Variants in IDS observed in about 807,000 individuals in gnomAD.
The protein encoded by IDS is alpha-L-iduronate sulfate sulfatase.
A neutral mutation model predicts 33.5 loss-of-function variants in IDS; 1 was observed. The observed-to-expected ratio is 0.03, with a 90% CI of 0.01 to 0.14. The LOEUF is 0.14. Among genes scored for constraint, IDS ranks in the 10% least tolerant of loss-of-function variants. The probability of loss-of-function intolerance (pLI) is 1.00; values close to 1 mark genes in which losing one functional copy is unlikely to be tolerated. For missense variants in IDS, 328 were observed against 448.0 expected, an observed-to-expected ratio of 0.73 and a Z score of 2.42; for synonymous variants, 191 against 184.4, an observed-to-expected ratio of 1.04 and a Z score of -0.29.
intron 6 of IDS, 106 bp downstream of exon 6, chrX:149,496,240 C>T: frequency 1.2e-6 from 1 of 800,807 alleles, no homozygotes; most frequent in Non-Finnish European, 1.9e-6. Context: ...AAAGAAAGCT[C>T]TTAATAAGAC....
At position 149,483,022 on chromosome X, in the gene IDS, T is replaced by C; in HGVS notation, c.1377A>G (p.Glu459=). 8.3e-7 allele frequency: 1 copy of C among 1,209,033 alleles called. No individual in the cohort carries two copies. The highest frequency in any genetic ancestry group is 1.1e-6 in the Non-Finnish European group (1 of 893,315). ...EDPYLPGNPR[E]LIAYSQYPRP... ...GGGGATACTGGCTATAGGCAATCAG[T>C]TCACGGGGATTACCAGGGAGGTACG... The change falls in exon 9 of 9, where the codon GAA becomes GAG. Residue 459 remains glutamate, a synonymous_variant. Coordinates refer to ENST00000340855, the MANE Select transcript of IDS (RefSeq NM_000202.8).
In IDS at chrX:149,480,733, G is replaced by T. The variant is rs1308302645; in HGVS notation, c.*2013C>A. On this transcript the variant is annotated 3_prime_UTR_variant, in exon 9 of 9. Transcript: ENST00000340855. Reference sequence around the variant, plus strand: ...AACCTCAAGTGATCCGCCTGCCTGGGCCTCCCAAAGTGCTGGGATTACAGG... The same window carrying T: ...AACCTCAAGTGATCCGCCTGCCTGGTCCTCCCAAAGTGCTGGGATTACAGG... 4 of 135,181 alleles carry T rather than the reference G, an allele frequency of 3.0e-5. No homozygotes were observed. Among genetic ancestry groups the T allele is most frequent in the Admixed American group, 1.8e-4 (2 of 11,351 alleles). The allele number at this position is 135,181 out of a possible 1,213,427, so 11.1% of individuals were successfully genotyped here. A position where few individuals can be genotyped will look rare whatever the true frequency, so the allele number is the denominator to read the frequency against.
chrX:149,502,151 C>A (rs1557340069), intron 3 of IDS: 1 of 330,862 alleles, frequency 3.0e-6, no homozygotes, highest in African/African-American at 2.6e-5. Flanking sequence ...AACAAAGATT[C>A]AGCTGAAAAA....
intron 4 of IDS, among the ~76,000 whole-genome samples, chrX:149,500,234 A>G (rs189921665): frequency 8.9e-6 from 1 of 112,048 alleles, no homozygotes; most frequent in East Asian, 2.8e-4. Context: ...GATCTTCCCT[A>G]TTCAAGCCAC....
At chrX:149,486,285 G>C (rs1050394132) in intron 8 of IDS, among the ~76,000 whole-genome samples, 1 of 111,804 alleles carries the variant, frequency 8.9e-6, no homozygotes, top group African/African-American at 3.3e-5. Context: ...ACCTTGTGAC[G>C]AATGGTTGAA....
At chrX:149,488,030 C>T (rs185578896) in intron 7 of IDS, among the ~76,000 whole-genome samples, 3,854 of 78,435 alleles carry the variant, frequency 0.049, 85 homozygotes, top group Middle Eastern at 0.08. Flanking sequence ...AGTGCTTTCC[C>T]AAGGAGACCC....
At chrX:149,496,274 T>C in intron 6 of IDS, 72 bp downstream of exon 6, 4 of 981,359 alleles carry the variant, frequency 4.1e-6, no homozygotes, top group Admixed American at 4.4e-5. Flanking sequence ...TTGTGTCTAC[T>C]GAGAAGAGTG....
rs781852261 is a variant in IDS at position 149,501,042 on chromosome X, G to GA, written c.419-6dup. Reference sequence around the variant, plus strand: ...CGGTATGGTTAGAAGATATCCCTTGGAAAAAAAAAAAGGTTGTTAAAACAT... The same window carrying GA: ...CGGTATGGTTAGAAGATATCCCTTGGAAAAAAAAAAAAGGTTGTTAAAACAT... On this transcript the variant is annotated splice_region_variant and splice_polypyrimidine_tract_variant and intron_variant, in intron 3 of 8. Coordinates refer to ENST00000340855, the MANE Select transcript of IDS (RefSeq NM_000202.8). 0.028 allele frequency: 20,722 copies of GA among 730,950 alleles called. No individual in the cohort carries two copies. Among genetic ancestry groups the GA allele is most frequent in the Non-Finnish European group, 0.033 (17,548 of 534,425 alleles). The allele number at this position is 730,950 out of a possible 1,213,427, so 60.2% of individuals were successfully genotyped here. A position where few individuals can be genotyped will look rare whatever the true frequency, so the allele number is the denominator to read the frequency against.
At chrX:149,504,671 G>A (rs906920540) in intron 1 of IDS, among the ~76,000 whole-genome samples, 2 of 108,420 alleles carry the variant, frequency 1.8e-5, no homozygotes, top group Non-Finnish European at 3.8e-5. Flanking sequence ...GAGAGAAGGA[G>A]GGGAGAAGAG....
rs1430486711 is a variant in IDS, at chrX:149,482,193, C to A, written c.*553G>T. The A allele has an allele frequency of 8.9e-6, 1 of 112,135 alleles. No individual in the cohort carries two copies. Among genetic ancestry groups the A allele is most frequent in the African/African-American group, 3.3e-5 (1 of 30,701 alleles). 9.2% of individuals were successfully genotyped at this position (112,135 alleles called of 1,213,427 possible). On this transcript the variant is annotated 3_prime_UTR_variant, in exon 9 of 9. Transcript: ENST00000340855. ...GAAACAAAAGATAGACTTTAAGACA[C>A]TGGCTTCTGCTATTTTTTTTTAACT...
intron 7 of IDS, among the ~76,000 whole-genome samples, chrX:149,489,058 A>C (rs990490187): frequency 8.9e-6 from 1 of 112,060 alleles, no homozygotes; most frequent in Non-Finnish European, 1.9e-5. Context: ...AGGATGTCCC[A>C]GGAGGGGACT....
intron 7 of IDS, among the ~76,000 whole-genome samples, chrX:149,489,431 C>T (rs1184960448): frequency 8.9e-6 from 1 of 112,152 alleles, no homozygotes; most frequent in African/African-American, 3.2e-5. Context: ...ATCCCTAATC[C>T]ATTGTCATCT....
At chrX:149,499,932 G>A (rs2089466446) in intron 4 of IDS, among the ~76,000 whole-genome samples, 1 of 111,000 alleles carries the variant, frequency 9.0e-6, no homozygotes, top group Admixed American at 9.6e-5. Flanking sequence ...ACCATGATTT[G>A]TATACCACAA....
rs1394403488 is a variant in IDS at position 149,482,042 on chromosome X, T to C, written c.*704A>G. ...GGCCAGAAAGTATCTGAAAAAAGTT[T>C]AACCAAATTTCCTACACATCTCATA... On this transcript the variant is annotated 3_prime_UTR_variant, in exon 9 of 9. Transcript: ENST00000340855. 1 of 112,568 alleles carries C rather than the reference T, an allele frequency of 8.9e-6. No homozygotes were observed. The highest frequency in any genetic ancestry group is 3.2e-5 in the African/African-American group (1 of 31,031). 9.3% of individuals were successfully genotyped at this position (112,568 alleles called of 1,213,427 possible).
intron 6 of IDS, among the ~76,000 whole-genome samples, chrX:149,493,147 C>A (rs2089407576): frequency 8.9e-6 from 1 of 111,747 alleles, no homozygotes; most frequent in African/African-American, 3.3e-5. Flanking sequence ...AGGGGTAGTT[C>A]TGGAGTCATC....
chrX:149,482,547 A>G lies in IDS; in HGVS notation c.*199T>C. On this transcript the variant is annotated 3_prime_UTR_variant, in exon 9 of 9. Transcript: ENST00000340855. ...AAAAAAAAAACTGGTCCAATTACCA[A>G]TTATAAATTTTAATAAAGACTAAAC... 1.8e-6 allele frequency: 1 copy of G among 558,152 alleles called. No individual in the cohort carries two copies. Among genetic ancestry groups the G allele is most frequent in the Non-Finnish European group, 2.7e-6 (1 of 365,052 alleles). 46.0% of individuals were successfully genotyped at this position (558,152 alleles called of 1,213,427 possible). A position where few individuals can be genotyped will look rare whatever the true frequency, so the allele number is the denominator to read the frequency against.
intron 8 of IDS, among the ~76,000 whole-genome samples, chrX:149,484,519 T>A (rs1045229276): frequency 9.8e-5 from 11 of 112,372 alleles, no homozygotes; most frequent in South Asian, 7.3e-4. Context: ...ATGGGGTTTC[T>A]CCTTGTTGGC....
intron 6 of IDS, 132 bp downstream of exon 6, chrX:149,496,214 G>T: frequency 3.1e-6 from 2 of 639,692 alleles, no homozygotes; most frequent in Non-Finnish European, 5.1e-6. Context: ...CCAGCACTTT[G>T]CCTGATAACT....
intron 7 of IDS, among the ~76,000 whole-genome samples, chrX:149,489,688 A>C (rs1484019216): frequency 8.9e-6 from 1 of 111,906 alleles, no homozygotes; most frequent in African/African-American, 3.3e-5. Flanking sequence ...GCTTCGAAAC[A>C]ATTCAGAGAT....
Sources: gnomAD v4.1 joint callset for allele counts (sites outside exome capture counted in the v4.1 genomes callset) on GRCh38, gnomAD v4.1.1 for gene constraint, MANE v1.5 for transcripts, NCBI Gene and HGNC (gene_info 2026-07-23, HGNC 2026-07-21) for gene names.